Variants in STIMATE observed in about 807,000 individuals in gnomAD.
STIMATE encodes STIM activating enhancer, also known as store-operated calcium entry regulator STIMATE.
STIMATE carries 15 observed loss-of-function variants against 36.7 expected under a neutral mutation model. That is an observed-to-expected ratio of 0.41 (90% CI 0.27 to 0.63). The LOEUF is 0.63. STIMATE is among the 20% of genes least tolerant of loss of function. The pLI, the probability that STIMATE is intolerant of heterozygous loss-of-function variation, is 0.32. For missense variants in STIMATE, 305 were observed against 397.3 expected (o/e 0.77, Z 1.98); for synonymous variants, 163 against 162.3 (o/e 1.00, Z -0.03).
chr3:52,889,698 G>A (rs13060282), intron 1 of STIMATE, among the ~76,000 whole-genome samples: 13,881 of 152,224 alleles, frequency 0.091, 785 homozygotes, highest in Non-Finnish European at 0.13. Flanking sequence ...AGAGGATGGG[G>A]GCCAGGCAGA....
chr3:52,837,830 C>G lies in STIMATE; in HGVS notation c.*2664G>C, dbSNP rs1311844049. 1 of 152,180 alleles carries G rather than the reference C, an allele frequency of 6.6e-6. No homozygotes were observed. The highest frequency in any genetic ancestry group is 1.5e-5 in the Non-Finnish European group (1 of 68,050). The allele number at this position is 152,180 out of a possible 1,614,324, so 9.4% of individuals were successfully genotyped here. ...CTGCACCTCGTAAGGCACCTTGGAG[C>G]AGGTGGAGAGGAAACTCATCCCAGG... On this transcript the variant is annotated 3_prime_UTR_variant, in exon 8 of 8. Coordinates refer to ENST00000355083, the MANE Select transcript of STIMATE (RefSeq NM_198563.5).
intron 1 of STIMATE, among the ~76,000 whole-genome samples, chr3:52,896,469 C>A (rs1701866793): frequency 6.6e-6 from 1 of 152,092 alleles, no homozygotes; most frequent in Admixed American, 6.5e-5. Context: ...AAGCCCCCCC[C>A]CACCCCCCAT....
intron 1 of STIMATE, among the ~76,000 whole-genome samples, chr3:52,890,474 C>A (rs1359953044): frequency 2.6e-5 from 4 of 152,228 alleles, no homozygotes; most frequent in African/African-American, 9.6e-5. Context: ...TTTTGGTTGT[C>A]ACAATGAGAG....
chr3:52,882,756 G>A (rs1189783821), intron 1 of STIMATE, among the ~76,000 whole-genome samples: 4 of 152,154 alleles, frequency 2.6e-5, no homozygotes, highest in Non-Finnish European at 4.4e-5. Flanking sequence ...TCCTATCGGT[G>A]CAATGAGGAG....
intron 3 of STIMATE, 130 bp downstream of exon 3, chr3:52,852,473 G>T (rs1701021542): frequency 1.8e-6 from 2 of 1,100,686 alleles, no homozygotes; most frequent in African/African-American, 1.6e-5. Context: ...TCTCTCAGAG[G>T]AGCACAGAGG....
intron 1 of STIMATE, among the ~76,000 whole-genome samples, chr3:52,896,954 G>A (rs1056029481): frequency 2.6e-5 from 4 of 152,194 alleles, no homozygotes; most frequent in Non-Finnish European, 4.4e-5. Context: ...GAGAAGGGGC[G>A]GACAAGGGGA....
rs138521612 is a variant in STIMATE at position 52,837,745 on chromosome 3, C to T, written c.*2749G>A. The T allele has an allele frequency of 6.6e-6, 1 of 152,336 alleles. No individual in the cohort carries two copies. Among genetic ancestry groups the T allele is most frequent in the African/African-American group, 2.4e-5 (1 of 41,562 alleles). 9.4% of individuals were successfully genotyped at this position (152,336 alleles called of 1,614,324 possible). On this transcript the variant is annotated 3_prime_UTR_variant, in exon 8 of 8. Transcript: ENST00000355083. ...AAATCAGATTCATAGCACACAATATCCAGCCAACGTCCCACCATTTCTCAA... is the reference window on the plus strand; with the variant it reads ...AAATCAGATTCATAGCACACAATATTCAGCCAACGTCCCACCATTTCTCAA...
chr3:52,850,296 G>A (rs1334273609), intron 3 of STIMATE, among the ~76,000 whole-genome samples: 1 of 152,132 alleles, frequency 6.6e-6, no homozygotes, highest in Non-Finnish European at 1.5e-5. Flanking sequence ...GCTGGGCGTG[G>A]TGGCGCGCAC....
chr3:52,844,068 C>A (rs1700853660), intron 5 of STIMATE, among the ~76,000 whole-genome samples: 2 of 152,146 alleles, frequency 1.3e-5, no homozygotes, highest in South Asian at 4.2e-4. Flanking sequence ...CAAGCCAGGG[C>A]AAGGCAAGCA....
intron 1 of STIMATE, among the ~76,000 whole-genome samples, chr3:52,857,631 C>T (rs984208415): frequency 1.3e-5 from 2 of 151,986 alleles, no homozygotes; most frequent in African/African-American, 2.4e-5. Context: ...CTGCAATTTA[C>T]TTCTGAGTGG....
At chr3:52,876,763 GTTAA>G (rs1354370580) in intron 1 of STIMATE, among the ~76,000 whole-genome samples, 1 of 151,936 alleles carries the variant, frequency 6.6e-6, no homozygotes, top group Non-Finnish European at 1.5e-5. Context: ...TAAAATATGT[GTTAA>G]TTGGCTGTTT....
At chr3:52,865,233 C>T (rs375684146) in intron 1 of STIMATE, among the ~76,000 whole-genome samples, 2 of 152,338 alleles carry the variant, frequency 1.3e-5, no homozygotes, top group Non-Finnish European at 2.9e-5. Flanking sequence ...GCGTGAGCCA[C>T]GGTGCCCGAC....
intron 1 of STIMATE, among the ~76,000 whole-genome samples, chr3:52,858,091 T>C (rs765230700): frequency 2.0e-5 from 3 of 151,998 alleles, no homozygotes; most frequent in South Asian, 2.1e-4. Context: ...GACACCTTCA[T>C]TGCGGTCTTC....
intron 4 of STIMATE, chr3:52,847,165 C>T: frequency 1.1e-6 from 1 of 949,556 alleles, no homozygotes; most frequent in South Asian, 4.0e-5. Flanking sequence ...CCCGCTTAAG[C>T]CTCCCAAAGT....
chr3:52,843,911 C>A, intron 5 of STIMATE, 113 bp from the exon 6 acceptor site: 1 of 1,422,824 alleles, frequency 7.0e-7, no homozygotes, highest in South Asian at 1.2e-5. Flanking sequence ...ACGCTTCCTC[C>A]AAAGCCCAAT....
chr3:52,870,443 C>A (rs1457206901), intron 1 of STIMATE, among the ~76,000 whole-genome samples: 3 of 152,036 alleles, frequency 2.0e-5, no homozygotes, highest in Non-Finnish European at 4.4e-5. Flanking sequence ...TCAAGCTACC[C>A]CAGGCTGGTC....
At chr3:52,870,063 T>A (rs1701376531) in intron 1 of STIMATE, among the ~76,000 whole-genome samples, 1 of 149,946 alleles carries the variant, frequency 6.7e-6, no homozygotes, top group African/African-American at 2.4e-5. Flanking sequence ...GAAGTCCACC[T>A]GCAGGAAACA....
rs991767803 is a variant in STIMATE at position 52,837,705 on chromosome 3, G to A, written c.*2789C>T. On this transcript the variant is annotated 3_prime_UTR_variant, in exon 8 of 8. Transcript: ENST00000355083. ...GTTCCACCACAGGTGGCTTGGCTGA[G>A]GTCCAGATTTGGACAAATCAGATTC... 3 of 152,242 alleles carry A rather than the reference G, an allele frequency of 2.0e-5. No individual in the cohort carries two copies. Among genetic ancestry groups the A allele is most frequent in the African/African-American group, 7.2e-5 (3 of 41,462 alleles). 9.4% of individuals were successfully genotyped at this position (152,242 alleles called of 1,614,324 possible). A position where few individuals can be genotyped will look rare whatever the true frequency, so the allele number is the denominator to read the frequency against.
intron 1 of STIMATE, among the ~76,000 whole-genome samples, chr3:52,884,493 G>A (rs62253581): frequency 2.6e-4 from 39 of 152,040 alleles, no homozygotes; most frequent in East Asian, 3.9e-4. Context: ...TGATCCACCC[G>A]CCACGGCCTC....
Sources: allele counts gnomAD v4.1 joint callset (sites outside exome capture counted in the v4.1 genomes callset), GRCh38; gene constraint gnomAD v4.1.1; transcripts MANE v1.5; gene names NCBI Gene and HGNC (gene_info 2026-07-23, HGNC 2026-07-21).